Variants in VSIG4 observed in about 807,000 individuals in gnomAD.
VSIG4 encodes the protein V-set and immunoglobulin domain containing 4.
Under a neutral mutation model 23.4 loss-of-function variants are expected in VSIG4, and 34 were observed. The ratio of observed to expected loss-of-function variants is 1.45; its 90% CI spans 1.10 to 1.93. VSIG4 has a LOEUF of 1.93. Among genes scored for constraint, VSIG4 ranks in the 30% most tolerant of loss-of-function variants. The pLI is 0.00. For synonymous variants in VSIG4, 169 were observed against 120.3 expected, an observed-to-expected ratio of 1.41 and a Z score of -2.65; for missense variants, 433 against 310.8, an observed-to-expected ratio of 1.39 and a Z score of -2.96.
chrX:66,035,783 T>C (rs1211742021), intron 1 of VSIG4, among the ~76,000 whole-genome samples: 1 of 112,376 alleles, frequency 8.9e-6, no homozygotes, highest in Non-Finnish European at 1.9e-5. Context: ...CTCTGGACTT[T>C]CCCAATGTCC....
chrX:66,036,956 T>G (rs1367394159), intron 1 of VSIG4, among the ~76,000 whole-genome samples: 2 of 27,983 alleles, frequency 7.1e-5, no homozygotes, highest in Non-Finnish European at 1.1e-4. Flanking sequence ...TATATTATAT[T>G]ATATTATATA....
At chrX:66,034,150 A>G (rs192077229) in intron 1 of VSIG4, among the ~76,000 whole-genome samples, 1 of 112,109 alleles carries the variant, frequency 8.9e-6, no homozygotes, top group African/African-American at 3.2e-5. Flanking sequence ...TATAATGTGG[A>G]GAGTTTGGGT....
intron 2 of VSIG4, 42 bp downstream of exon 2, chrX:66,033,432 T>C: frequency 9.1e-7 from 1 of 1,098,421 alleles, no homozygotes; most frequent in Non-Finnish European, 1.2e-6. Flanking sequence ...CCACTATTGA[T>C]TCATTGATTA....
At position 66,039,963 on chromosome X, in the gene VSIG4, G is replaced by A. The variant is rs771093647; in HGVS notation, c.36C>T (p.His12=). ...GILLGLLLLG[H]LTVDTYGRPI... ...CCTTACCATAAGTGTCCACTGTTAG[G>A]TGCCCCAGGAGTAGCAGGCCCAGTA... The change falls in exon 1 of 8, where the codon CAC becomes CAT. Residue 12 remains histidine (H), a synonymous_variant. Transcript: ENST00000374737. The A allele has an allele frequency of 6.6e-6, 8 of 1,211,256 alleles. No homozygotes were observed. The highest frequency in any genetic ancestry group is 7.8e-6 in the Non-Finnish European group (7 of 895,198).
rs367585955 is a variant in VSIG4, at chrX:66,033,561, T to A, written c.325A>T (p.Ser109Cys). 1 of 1,209,743 alleles carries A rather than the reference T, an allele frequency of 8.3e-7. No individual in the cohort carries two copies. Among genetic ancestry groups the A allele is most frequent in the African/African-American group, 1.8e-5 (1 of 57,089 alleles). ...CAGGTGACTTCACACGTGTAGTGGCTCCGGTCATCCATCTCCAGGGTGCTC... is the reference window on the plus strand; with the variant it reads ...CAGGTGACTTCACACGTGTAGTGGCACCGGTCATCCATCTCCAGGGTGCTC... ...QLSTLEMDDRSHYTCEVTWQT... is the reference protein window; with the variant it reads ...QLSTLEMDDRCHYTCEVTWQT... The change falls in exon 2 of 8, where the codon AGC (serine) becomes TGC (cysteine). Residue 109 changes from serine (S) to cysteine (C), a missense_variant. Coordinates refer to ENST00000374737, the MANE Select transcript of VSIG4 (RefSeq NM_007268.3).
At chrX:66,024,661 T>C (rs1428563071) in intron 6 of VSIG4, among the ~76,000 whole-genome samples, 1 of 111,515 alleles carries the variant, frequency 9.0e-6, no homozygotes, top group African/African-American at 3.2e-5. Context: ...TTTGAGCTCA[T>C]AGCCTCTATT....
rs769688864 is a variant in VSIG4 at position 66,033,797 on chromosome X, G to A, written c.89C>T (p.Thr30Ile). The A allele has an allele frequency of 8.3e-7, 1 of 1,209,881 alleles. No homozygotes were observed. The highest frequency in any genetic ancestry group is 1.1e-6 in the Non-Finnish European group (1 of 894,543). The change falls in exon 2 of 8, where the codon ACA becomes ATA. Residue 30 changes from threonine (T) to isoleucine (I), a missense_variant. Transcript: ENST00000374737. Reference sequence around the variant, plus strand: ...ATTCACATCCCCTTTCCAAGGTCCTGTTACACTCTCTGGCACTTCCAGGAT... The same window carrying A: ...ATTCACATCCCCTTTCCAAGGTCCTATTACACTCTCTGGCACTTCCAGGAT... ...RPILEVPESV[T>I]GPWKGDVNLP...
intron 6 of VSIG4, among the ~76,000 whole-genome samples, chrX:66,024,744 C>T (rs1381188106): frequency 9.0e-6 from 1 of 111,715 alleles, no homozygotes; most frequent in Non-Finnish European, 1.9e-5. Context: ...CAACTTGAGG[C>T]CAGGGATTGT....
intron 1 of VSIG4, among the ~76,000 whole-genome samples, 167 bp downstream of exon 1, chrX:66,039,777 C>G (rs933370769): frequency 1.8e-5 from 2 of 112,593 alleles, no homozygotes; most frequent in African/African-American, 6.5e-5. Flanking sequence ...CAGCAGCCTT[C>G]AACTACATCC....
intron 3 of VSIG4, among the ~76,000 whole-genome samples, chrX:66,028,647 T>C (rs1331345734): frequency 1.9e-5 from 2 of 102,965 alleles, no homozygotes; most frequent in African/African-American, 7.2e-5. Flanking sequence ...AAGAAAAATA[T>C]CCCAGTTTTG....
chrX:66,039,421 C>T (rs901919954), intron 1 of VSIG4, among the ~76,000 whole-genome samples: 4 of 111,924 alleles, frequency 3.6e-5, no homozygotes, highest in African/African-American at 9.7e-5. Context: ...ACTAGATGGT[C>T]TGGGGAGGTA....
chrX:66,022,023 G>A lies in VSIG4; in HGVS notation c.*240C>T. ...GCATCTTCCCTCTGGTATTTAGAGA[G>A]GAGTACCAGAAGCCCCCGGCAGAGA... On this transcript the variant is annotated 3_prime_UTR_variant, in exon 8 of 8. Transcript: ENST00000374737. 2 of 1,127,670 alleles carry A rather than the reference G, an allele frequency of 1.8e-6. No homozygotes were observed. The highest frequency in any genetic ancestry group is 1.9e-5 in the South Asian group (1 of 51,377). The allele number at this position is 1,127,670 out of a possible 1,213,427, so 92.9% of individuals were successfully genotyped here.
At chrX:66,027,273 T>G (rs1440066207) in intron 5 of VSIG4, among the ~76,000 whole-genome samples, 176 bp downstream of exon 5, 1 of 111,978 alleles carries the variant, frequency 8.9e-6, no homozygotes, top group African/African-American at 3.2e-5. Flanking sequence ...GATCTGTATC[T>G]CTCTCTCTAC....
chrX:66,032,877 C>G, intron 2 of VSIG4, 128 bp from the exon 3 acceptor site: 1 of 724,813 alleles, frequency 1.4e-6, no homozygotes, highest in Non-Finnish European at 2.0e-6. Flanking sequence ...GGGCTTCTGA[C>G]TTTGGAGGAA....
chrX:66,027,338 A>C, intron 5 of VSIG4, 111 bp downstream of exon 5: 1 of 646,952 alleles, frequency 1.5e-6, no homozygotes, highest in East Asian at 3.6e-5. Context: ...GGCACATAGC[A>C]GGTAATGATT....
At chrX:66,036,874 T>G (rs1300312081) in intron 1 of VSIG4, among the ~76,000 whole-genome samples, 5 of 38,823 alleles carry the variant, frequency 1.3e-4, no homozygotes, top group East Asian at 1.2e-3. Flanking sequence ...TATATTATAT[T>G]ATATATTATA....
chrX:66,028,558 CTTTTTTTTT>C (rs34660062), intron 3 of VSIG4, among the ~76,000 whole-genome samples: 1 of 74,253 alleles, frequency 1.3e-5, no homozygotes, highest in South Asian at 7.7e-4. Flanking sequence ...ACGTAATCAA[CTTTTTTTTT>C]TTTTTTTTTT....
At position 66,028,062 on chromosome X, in the gene VSIG4, A is replaced by G. The variant is rs1276378504; in HGVS notation, c.745T>C (p.Tyr249His). Reference protein sequence around the residue: ...TKTEAPTTMTYPLKATSTVKQ... With the variant: ...TKTEAPTTMTHPLKATSTVKQ... Reference sequence around the variant, plus strand: ...TAGCAAAACTCACCTTTCAAGGGGTATGTCATGGTTGTAGGTGCCTCAGTC... The same window carrying G: ...TAGCAAAACTCACCTTTCAAGGGGTGTGTCATGGTTGTAGGTGCCTCAGTC... Residue 249 changes from tyrosine to histidine, a missense_variant, in exon 4 of 8, where the codon TAC becomes CAC. Tyr to His is a moderately conservative substitution (Grantham distance 83, BLOSUM62 2). Coordinates refer to ENST00000374737, the MANE Select transcript of VSIG4 (RefSeq NM_007268.3). 1 of 1,210,035 alleles carries G rather than the reference A, an allele frequency of 8.3e-7. No individual in the cohort carries two copies.
chrX:66,036,938 T>C (rs1239177858), intron 1 of VSIG4, among the ~76,000 whole-genome samples: 1 of 29,991 alleles, frequency 3.3e-5, no homozygotes, highest in Non-Finnish European at 5.0e-5. Flanking sequence ...ATATGATATA[T>C]TATATGATAT....
Sources: allele counts gnomAD v4.1 joint callset (sites outside exome capture counted in the v4.1 genomes callset), GRCh38; gene constraint gnomAD v4.1.1; transcripts MANE v1.5; gene names NCBI Gene and HGNC (gene_info 2026-07-23, HGNC 2026-07-21).